The following PRKD1 variants were observed in gnomAD, a reference collection of about 807,000 sequenced individuals.
PRKD1 encodes serine/threonine-protein kinase D1.
In PRKD1, 63 loss-of-function variants were observed where a neutral mutation model predicts 95.9. That is an observed-to-expected ratio of 0.66 (90% CI 0.54 to 0.81). PRKD1 has a LOEUF of 0.81. Ranked by LOEUF, PRKD1 falls within the 30% of genes least tolerant of loss-of-function variation. The pLI is 0.00. For missense variants in PRKD1, 1,048 were observed against 1,165.3 expected, an observed-to-expected ratio of 0.90 and a Z score of 1.47; for synonymous variants, 425 against 423.1, an observed-to-expected ratio of 1.00 and a Z score of -0.05.
chr14:29,777,855 C>T (rs1192582591), intron 1 of PRKD1, among the ~76,000 whole-genome samples: 1 of 152,166 alleles, frequency 6.6e-6, no homozygotes, highest in Non-Finnish European at 1.5e-5. Context: ...TTCTCAGCAC[C>T]ACATCACACT....
intron 2 of PRKD1, among the ~76,000 whole-genome samples, chr14:29,689,072 A>G (rs1431078095): frequency 6.6e-6 from 1 of 151,990 alleles, no homozygotes; most frequent in East Asian, 1.9e-4. Context: ...TTACAATGAA[A>G]ATGCCAAAAG....
intron 1 of PRKD1, among the ~76,000 whole-genome samples, chr14:29,831,606 T>C (rs551446177): frequency 6.6e-6 from 1 of 152,034 alleles, no homozygotes; most frequent in Non-Finnish European, 1.5e-5. Context: ...GTAGCTGGGA[T>C]TACAGGCATG....
intron 1 of PRKD1, among the ~76,000 whole-genome samples, chr14:29,883,871 T>C (rs949103001): frequency 6.6e-6 from 1 of 152,192 alleles, no homozygotes; most frequent in African/African-American, 2.4e-5. Context: ...CTCAGATGCA[T>C]CACTGTCAGC....
chr14:29,754,479 T>C (rs1446679456), intron 1 of PRKD1, among the ~76,000 whole-genome samples: 2 of 152,156 alleles, frequency 1.3e-5, no homozygotes, highest in East Asian at 1.9e-4. Flanking sequence ...CATATTTAAG[T>C]TTTTCATCTA....
At chr14:29,682,533 C>A (rs1883595466) in intron 2 of PRKD1, among the ~76,000 whole-genome samples, 1 of 152,180 alleles carries the variant, frequency 6.6e-6, no homozygotes, top group Non-Finnish European at 1.5e-5. Flanking sequence ...AATATCCCTT[C>A]CTTGCTTTAT....
chr14:29,901,482 C>T (rs1487859226), intron 1 of PRKD1, among the ~76,000 whole-genome samples: 1 of 152,164 alleles, frequency 6.6e-6, no homozygotes, highest in Admixed American at 6.5e-5. Flanking sequence ...ACTCCTTAAT[C>T]TACTATTACT....
chr14:29,832,519 C>T lies in PRKD1; in HGVS notation c.264+94730G>A, dbSNP rs756167296. 3.9e-5 allele frequency among the ~76,000 whole-genome samples: 6 copies of T among 151,952 alleles called. No homozygotes were observed. In the South Asian group the frequency reaches 1.2e-3, roughly 31 times the overall value. The stretch of plus-strand genomic sequence containing the variant: ...TATCCTTTATTATACAGAGACTTTA[C>T]TGGTGGTATAAAATTTATCTACCTT... On this transcript the variant is annotated intron_variant, in intron 1 of 17. Coordinates refer to ENST00000331968, the MANE Select transcript of PRKD1 (RefSeq NM_002742.3).
At chr14:29,616,305 AAACC>A in intron 13 of PRKD1, among the ~76,000 whole-genome samples, 1 of 150,488 alleles carries the variant, frequency 6.6e-6, no homozygotes, top group Non-Finnish European at 1.5e-5. Flanking sequence ...AAAGGTGTAG[AAACC>A]AATGACAAGA....
In PRKD1 at chr14:29,871,560, A is replaced by C. The variant is rs1893108856; in HGVS notation, c.264+55689T>G. Among the ~76,000 whole-genome samples, 3 of 152,190 alleles carry C rather than the reference A, an allele frequency of 2.0e-5. No homozygotes were observed. In the South Asian group the frequency reaches 6.2e-4, roughly 32 times the overall value. On this transcript the variant is annotated intron_variant, in intron 1 of 17. Transcript: ENST00000331968. ...TCTCTGTGTTTCAGCTTGCTCATTT[A>C]TAAAAAGGGGGTTATAAGTGTAACT...
intron 1 of PRKD1, among the ~76,000 whole-genome samples, chr14:29,849,967 T>C (rs570494373): frequency 6.6e-6 from 1 of 152,116 alleles, no homozygotes; most frequent in Non-Finnish European, 1.5e-5. Flanking sequence ...ATCATCTCAA[T>C]AGATTAAGAA....
At chr14:29,710,916 A>C (rs1345253783) in intron 2 of PRKD1, among the ~76,000 whole-genome samples, 1 of 152,168 alleles carries the variant, frequency 6.6e-6, no homozygotes, top group Non-Finnish European at 1.5e-5. Flanking sequence ...TCAAAACTAG[A>C]AAGATGCATT....
At chr14:29,919,608 T>C (rs1048597499) in intron 1 of PRKD1, among the ~76,000 whole-genome samples, 23 of 152,168 alleles carry the variant, frequency 1.5e-4, no homozygotes, top group Non-Finnish European at 7.4e-5. Flanking sequence ...GATTAAAAAA[T>C]GTTTTGAATA....
In PRKD1 at chr14:29,927,292, A is replaced by G. The variant is rs1161840129; in HGVS notation, c.221T>C (p.Leu74Pro). Reference sequence around the variant, plus strand: ...GCAAGCCATCTCGCGGACGTGCGCCAGGCTGTAGTCCCCGGACGAGTCCTG... The same window carrying G: ...GCAAGCCATCTCGCGGACGTGCGCCGGGCTGTAGTCCCCGGACGAGTCCTG... ...LLQDSSGDYS[L>P]AHVREMACSI... The change falls in exon 1 of 18, where the codon CTG (leucine) becomes CCG (proline). Residue 74 changes from leucine to proline, a missense_variant. Leu to Pro is a moderately conservative substitution (Grantham distance 98). Transcript: ENST00000331968. 2 of 1,542,198 alleles carry G rather than the reference A, an allele frequency of 1.3e-6. No individual in the cohort carries two copies. Among genetic ancestry groups the G allele is most frequent in the Non-Finnish European group, 1.7e-6 (2 of 1,145,822 alleles).
intron 12 of PRKD1, among the ~76,000 whole-genome samples, chr14:29,625,614 C>CAA (rs1471839392): frequency 3.3e-5 from 5 of 152,030 alleles, no homozygotes; most frequent in Non-Finnish European, 7.4e-5. Flanking sequence ...TATACCGTTA[C>CAA]GCATTAACAA....
At chr14:29,808,421 G>A (rs1472465704) in intron 1 of PRKD1, among the ~76,000 whole-genome samples, 21 of 44,740 alleles carry the variant, frequency 4.7e-4, no homozygotes, top group Non-Finnish European at 7.9e-4. Flanking sequence ...TTTTTGAGAT[G>A]GGAGTTTTGC....
intron 1 of PRKD1, among the ~76,000 whole-genome samples, chr14:29,918,001 T>TG (rs940896398): frequency 4.8e-4 from 73 of 152,106 alleles, no homozygotes; most frequent in South Asian, 4.2e-4. Context: ...ACTTGTGTCA[T>TG]GGGGGGGCTG....
At chr14:29,902,591 A>C (rs1894355448) in intron 1 of PRKD1, among the ~76,000 whole-genome samples, 1 of 152,222 alleles carries the variant, frequency 6.6e-6, no homozygotes, top group African/African-American at 2.4e-5. Context: ...CAAGATTGAG[A>C]TATTATTCTG....
rs572336060 is a variant in PRKD1 at position 29,745,740 on chromosome 14, CA to C, written c.265-20067del. Among the ~76,000 whole-genome samples, 530 of 152,126 alleles carry C rather than the reference CA, an allele frequency of 3.5e-3. 2 individuals carry two copies. The highest frequency in any genetic ancestry group is 0.012 in the African/African-American group (511 of 41,532). ...ATCCTCCTGCCTCGGCCTCCCAAAG[CA>C]CTTGGATTACAGGTGTGAGCCACCT... On this transcript the variant is annotated intron_variant, in intron 1 of 17. Coordinates refer to ENST00000331968, the MANE Select transcript of PRKD1 (RefSeq NM_002742.3).
intron 1 of PRKD1, among the ~76,000 whole-genome samples, chr14:29,853,855 G>A (rs974027099): frequency 2.6e-5 from 4 of 152,060 alleles, no homozygotes; most frequent in Non-Finnish European, 4.4e-5. Context: ...GAGATCTGAT[G>A]GTTTTAAAAA....
Sources: allele counts gnomAD v4.1 joint callset (sites outside exome capture counted in the v4.1 genomes callset), GRCh38; gene constraint gnomAD v4.1.1; transcripts MANE v1.5; gene names NCBI Gene and HGNC (gene_info 2026-07-23, HGNC 2026-07-21).